HTR3E: variants seen among roughly 807,000 people sequenced by gnomAD.
HTR3E encodes 5-hydroxytryptamine receptor 3E.
Under a neutral mutation model 38.0 loss-of-function variants are expected in HTR3E, and 38 were observed. The observed-to-expected ratio is 1.00, with a 90% CI of 0.77 to 1.31. HTR3E has a LOEUF of 1.31. Ranked by LOEUF, HTR3E falls within the 50% of genes most tolerant of loss-of-function variation. HTR3E has a pLI of 0.00. For missense variants in HTR3E, 547 were observed against 585.2 expected (o/e 0.93, Z 0.67); for synonymous variants, 210 against 232.9 (o/e 0.90, Z 0.89).
Position 184,106,678 on chromosome 3 carries a change from C to A in HTR3E, c.1356C>A (p.Cys452Ter), listed in dbSNP as rs1687393861. 1 of 1,614,128 alleles carries A rather than the reference C, an allele frequency of 6.2e-7. No individual in the cohort carries two copies. Among genetic ancestry groups the A allele is most frequent in the East Asian group, 2.2e-5 (1 of 44,876 alleles). ...CCTCCTCTATCATCACCGTCATATG[C>A]CTCTGGAACACCTAGGCAGGTGCTC... is the stretch of plus-strand genomic sequence containing the variant. The part of the protein sequence containing the change: ...FMASSIITVI[C>*]LWNT The change falls in exon 9 of 9, where the codon TGC becomes TGA. Residue 452 changes from cysteine (C) to a stop codon, truncating the protein, a stop_gained. Coordinates refer to ENST00000415389, the MANE Select transcript of HTR3E (RefSeq NM_001256613.2). LOFTEE classifies it high-confidence loss of function. This position sits in a 1 kb window ranked among gnomAD's most constrained non-coding sequence, Gnocchi z 4.1.
intron 1 of HTR3E, among the ~76,000 whole-genome samples, chr3:184,098,199 G>T (rs1435953478): frequency 6.6e-6 from 1 of 152,170 alleles, no homozygotes; most frequent in Non-Finnish European, 1.5e-5. Context: ...AAGAACATGG[G>T]ATTTGGAGAC....
rs1291787095 is a variant in HTR3E, at chr3:184,103,230, C to T, written c.280-952C>T. 3.9e-5 allele frequency among the ~76,000 whole-genome samples: 6 copies of T among 152,012 alleles called. No homozygotes were observed. The East Asian group carries it at 1.2e-3, about 29-fold the overall frequency. On this transcript the variant is annotated intron_variant, in intron 3 of 8. Coordinates refer to ENST00000415389, the MANE Select transcript of HTR3E (RefSeq NM_001256613.2). ...GGCTTGGTGGTTCACACCTATAATCCCAGCTCTTTGGGAGGCCTAGGCAGG... is the reference window on the plus strand; with the variant it reads ...GGCTTGGTGGTTCACACCTATAATCTCAGCTCTTTGGGAGGCCTAGGCAGG...
chr3:184,105,699 G>C, intron 6 of HTR3E, 66 bp from the exon 7 acceptor site: 1 of 1,313,570 alleles, frequency 7.6e-7, no homozygotes. Flanking sequence ...AATTGTCACT[G>C]CTATTCCTGG....
intron 1 of HTR3E, among the ~76,000 whole-genome samples, chr3:184,099,585 G>A (rs1251028163): frequency 6.6e-6 from 1 of 150,546 alleles, no homozygotes; most frequent in Non-Finnish European, 1.5e-5. Context: ...GCGGTGGCGG[G>A]CGCCTGTAGT....
rs1386375406 is a variant in HTR3E at position 184,104,976 on chromosome 3, C to T, written c.559+20C>T. 6.2e-7 allele frequency: 1 copy of T among 1,604,234 alleles called. No individual in the cohort carries two copies. Among genetic ancestry groups the T allele is most frequent in the Non-Finnish European group, 8.5e-7 (1 of 1,175,124 alleles). On this transcript the variant is annotated intron_variant, in intron 5 of 8. Transcript: ENST00000415389. ...ACACAGGTAAGTTGCAGTGAGGTCT[C>T]AGGGATGGGGTGAATGAGAGCAACC...
In HTR3E at chr3:184,101,497, C is replaced by A. The variant is rs1246384201; in HGVS notation, c.247C>A (p.His83Asn). 2 of 1,613,820 alleles carry A rather than the reference C, an allele frequency of 1.2e-6. No homozygotes were observed. Among genetic ancestry groups the A allele is most frequent in the Non-Finnish European group, 1.7e-6 (2 of 1,179,700 alleles). ...ATTCTTTTGGCAGAATGAACAGCTG[C>A]ACCTCTTGTCATCATTCCTGTGGCT... is the stretch of plus-strand genomic sequence containing the variant. ...SAILDVNEQL[H>N]LLSSFLWLEM... The change falls in exon 3 of 9, where the codon CAC (histidine) becomes AAC (asparagine). Residue 83 changes from histidine (H) to asparagine (N), a missense_variant. Physicochemically the swap from His to Asn is moderately conservative, Grantham distance 68. Coordinates refer to ENST00000415389, the MANE Select transcript of HTR3E (RefSeq NM_001256613.2).
chr3:184,102,755 T>C (rs1426472356), intron 3 of HTR3E, among the ~76,000 whole-genome samples: 1 of 151,738 alleles, frequency 6.6e-6, no homozygotes, highest in Non-Finnish European at 1.5e-5. Context: ...TGAAACACCG[T>C]CTCTACTAAA....
intron 1 of HTR3E, 51 bp from the exon 2 acceptor site, chr3:184,100,433 AG>A (rs5855015): frequency 0.082 from 132,243 of 1,614,080 alleles, 6,264 homozygotes; most frequent in Middle Eastern, 0.098. Flanking sequence ...CCTCTCATAT[AG>A]GGAGCACAGG....
At chr3:184,101,160 T>C (rs1712017810) in intron 2 of HTR3E, among the ~76,000 whole-genome samples, 1 of 152,146 alleles carries the variant, frequency 6.6e-6, no homozygotes, top group Non-Finnish European at 1.5e-5. Context: ...GCCAAGCTGG[T>C]CTCAAACTCC....
At chr3:184,101,377 A>G (rs1159433375) in intron 2 of HTR3E, 108 bp from the exon 3 acceptor site, 12 of 917,272 alleles carry the variant, frequency 1.3e-5, no homozygotes, top group Non-Finnish European at 2.2e-5. Context: ...TCTGGATCAC[A>G]TATCCCCTTT....
rs960121726 is a variant in HTR3E at position 184,100,599 on chromosome 3, G to C, written c.182G>C (p.Ser61Thr). ...CCCTTCCGTCCGGTCACCAACATCAGCGTCCCCACCCAAGTCAACATCTCC... is the reference window on the plus strand; with the variant it reads ...CCCTTCCGTCCGGTCACCAACATCACCGTCCCCACCCAAGTCAACATCTCC... ...RKPFRPVTNISVPTQVNISFA... is the reference protein window; with the variant it reads ...RKPFRPVTNITVPTQVNISFA... Residue 61 changes from serine (S) to threonine (T), a missense_variant, in exon 2 of 9, where the codon AGC becomes ACC. Transcript: ENST00000415389. The C allele has an allele frequency of 1.9e-6, 3 of 1,614,074 alleles. No homozygotes were observed. Among genetic ancestry groups the C allele is most frequent in the Middle Eastern group, 1.6e-4 (1 of 6,062 alleles).
At position 184,105,532 on chromosome 3, in the gene HTR3E, C is replaced by T. The variant is rs1712373264; in HGVS notation, c.720+105C>T. ...CAAGTTTCAGGGTCTCCCAATGTTA[C>T]CCTCTCTCCTGGCTTCCCAGCCTCA... is the stretch of plus-strand genomic sequence containing the variant. On this transcript the variant is annotated intron_variant, in intron 6 of 8. Coordinates refer to ENST00000415389, the MANE Select transcript of HTR3E (RefSeq NM_001256613.2). 2.3e-6 allele frequency: 3 copies of T among 1,298,828 alleles called. 1 individual carries two copies. The South Asian group carries it at 4.5e-5, about 19-fold the overall frequency. 80.5% of individuals were successfully genotyped at this position (1,298,828 alleles called of 1,614,324 possible).
chr3:184,100,924 G>A (rs1002441475), intron 2 of HTR3E, among the ~76,000 whole-genome samples: 1 of 148,562 alleles, frequency 6.7e-6, no homozygotes, highest in African/African-American at 2.5e-5. Context: ...CCCAAGCCTC[G>A]TTTTTGTTTT....
rs776094089 is a variant in HTR3E, at chr3:184,106,530, G to C, written c.1208G>C (p.Gly403Ala). 6.2e-7 allele frequency: 1 copy of C among 1,613,634 alleles called. No homozygotes were observed. Among genetic ancestry groups the C allele is most frequent in the Non-Finnish European group, 8.5e-7 (1 of 1,179,734 alleles). The part of the protein sequence containing the change: ...PGPAEAELTG[G>A]SEWTRAQREH... ...CCTGCGGAGGCAGAGCTGACAGGGGGCTCAGAATGGACAAGGGCCCAGCGG... is the reference window on the plus strand; with the variant it reads ...CCTGCGGAGGCAGAGCTGACAGGGGCCTCAGAATGGACAAGGGCCCAGCGG... The change falls in exon 9 of 9, where the codon GGC becomes GCC. Residue 403 changes from glycine to alanine, a missense_variant. Coordinates refer to ENST00000415389, the MANE Select transcript of HTR3E (RefSeq NM_001256613.2). This position sits in a 1 kb window ranked among gnomAD's most constrained non-coding sequence, Gnocchi z 4.1.
rs767836103 is a variant in HTR3E, at chr3:184,099,739, A to AAAAAAAAAAAAAAAAAC, written c.68-745_68-744insAAAAAAAAAAAAAAACA. ...CCGTCTCAAAAAAAAAAAAAAAAAA[A>AAAAAAAAAAAAAAAAAC]AGAAAGAAATATGCACAATTATTAT... On this transcript the variant is annotated intron_variant, in intron 1 of 8. Coordinates refer to ENST00000415389, the MANE Select transcript of HTR3E (RefSeq NM_001256613.2). Among the ~76,000 whole-genome samples the AAAAAAAAAAAAAAAAAC allele has an allele frequency of 1.8e-5, 2 of 113,098 alleles. 1 individual carries two copies. The highest frequency in any genetic ancestry group is 7.4e-5 in the African/African-American group (2 of 27,058). 74.2% of individuals were successfully genotyped at this position (113,098 alleles called of 152,430 possible).
Position 184,104,874 on chromosome 3 carries a change from CA to C in HTR3E, c.478del (p.Ser160ValfsTer42). The C allele has an allele frequency of 6.2e-7, 1 of 1,614,050 alleles. No individual in the cohort carries two copies. Among genetic ancestry groups the C allele is most frequent in the Non-Finnish European group, 8.5e-7 (1 of 1,179,962 alleles). On this transcript the variant is annotated frameshift_variant, in exon 5 of 9. Transcript: ENST00000415389. LOFTEE classifies it high-confidence loss of function. ...GGTATAAGAAACCCATGAAGGTGGA[CA>C]GTATCTGTAACCTGGACATCTTCTA... is the stretch of plus-strand genomic sequence containing the variant. ...IRYKKPMKVD[S>X]ICNLDIFYFP...
At chr3:184,099,789 C>T (rs896170820) in intron 1 of HTR3E, among the ~76,000 whole-genome samples, 1 of 138,988 alleles carries the variant, frequency 7.2e-6, no homozygotes, top group Non-Finnish European at 1.6e-5. Context: ...TAAAATAAAA[C>T]TTTTTTAAAG....
Position 184,106,597 on chromosome 3 carries a change from G to A in HTR3E, c.1275G>A (p.Leu425=). 1 of 1,614,210 alleles carries A rather than the reference G, an allele frequency of 6.2e-7. No homozygotes were observed. Among genetic ancestry groups the A allele is most frequent in the Non-Finnish European group, 8.5e-7 (1 of 1,180,034 alleles). ...AGCAGCACTCAGTGGAGCTGTGGTTGCAGTTCAGCCACGCGATGGACGCCA... is the reference window on the plus strand; with the variant it reads ...AGCAGCACTCAGTGGAGCTGTGGTTACAGTTCAGCCACGCGATGGACGCCA... ...AQKQHSVELW[L]QFSHAMDAML... is the part of the protein sequence containing the mutation. The change falls in exon 9 of 9, where the codon TTG becomes TTA. Residue 425 remains leucine, a synonymous_variant. Transcript: ENST00000415389. This position sits in a 1 kb window ranked among gnomAD's most constrained non-coding sequence, Gnocchi z 4.1.
rs371278171 is a variant in HTR3E, at chr3:184,106,193, C to T, written c.991C>T (p.His331Tyr). Residue 331 changes from histidine to tyrosine, a missense_variant, in exon 8 of 9, where the codon CAC becomes TAC. Transcript: ENST00000415389. This position sits in a 1 kb window ranked among gnomAD's most constrained non-coding sequence, Gnocchi z 4.1. ...CCTGCTGGAGACCATCTTCATCACCCACCTGCTGCACGTGGCCACCACCCA... is the reference window on the plus strand; with the variant it reads ...CCTGCTGGAGACCATCTTCATCACCTACCTGCTGCACGTGGCCACCACCCA... ...GSLLETIFIT[H>Y]LLHVATTQPP... 4 of 1,612,722 alleles carry T rather than the reference C, an allele frequency of 2.5e-6. No homozygotes were observed. Among genetic ancestry groups the T allele is most frequent in the African/African-American group, 2.7e-5 (2 of 74,836 alleles).
Sources: allele counts gnomAD v4.1 joint callset (sites outside exome capture counted in the v4.1 genomes callset), GRCh38; gene constraint gnomAD v4.1.1; non-coding constraint Gnocchi (gnomAD v3.1); transcripts MANE v1.5; gene names NCBI Gene and HGNC (gene_info 2026-07-23, HGNC 2026-07-21).